Variants in DMRT1 observed in about 807,000 individuals in gnomAD.
DMRT1 encodes doublesex and mab-3 related transcription factor 1.
In DMRT1, 7 loss-of-function variants were observed where a neutral mutation model predicts 32.3. The observed-to-expected ratio is 0.22, with a 90% confidence interval of 0.12 to 0.41. The LOEUF is 0.41. Ranked by LOEUF, DMRT1 falls within the 10% of genes least tolerant of loss-of-function variation. The pLI, the probability that DMRT1 is intolerant of heterozygous loss-of-function variation, is 1.00. For missense variants in DMRT1, 625 were observed against 500.5 expected (o/e 1.25, Z -2.37); for synonymous variants, 278 against 206.1 (o/e 1.35, Z -2.99).
At chr9:917,114 T>A (rs1818209767) in intron 4 of DMRT1, among the ~76,000 whole-genome samples, 1 of 152,222 alleles carries the variant, frequency 6.6e-6, no homozygotes, top group African/African-American at 2.4e-5. Flanking sequence ...TTTTTTCCTT[T>A]CTGGATTCCT....
chr9:853,575 C>T (rs553601687), intron 2 of DMRT1, among the ~76,000 whole-genome samples: 93 of 150,798 alleles, frequency 6.2e-4, no homozygotes, highest in African/African-American at 2.0e-3. Flanking sequence ...CAGGTTCAAG[C>T]GATTTTCCTG....
chr9:955,180 G>C (rs1819560257), intron 4 of DMRT1, among the ~76,000 whole-genome samples: 1 of 152,146 alleles, frequency 6.6e-6, no homozygotes, highest in Non-Finnish European at 1.5e-5. Context: ...AGGAGGGAGA[G>C]GGTAGGGCAT....
intron 2 of DMRT1, among the ~76,000 whole-genome samples, chr9:873,865 A>G (rs78637836): frequency 0.14 from 21,637 of 152,138 alleles, 2,124 homozygotes; most frequent in African/African-American, 0.25. Flanking sequence ...TGAGAAAAAG[A>G]AAAGAAGAGA....
At chr9:869,375 C>A (rs189786160) in intron 2 of DMRT1, among the ~76,000 whole-genome samples, 1 of 152,322 alleles carries the variant, frequency 6.6e-6, no homozygotes, top group East Asian at 1.9e-4. Flanking sequence ...CTCATCTGCA[C>A]CTTTCCATTT....
intron 3 of DMRT1, among the ~76,000 whole-genome samples, chr9:901,364 T>C (rs1173511071): frequency 6.6e-6 from 1 of 152,006 alleles, no homozygotes; most frequent in Non-Finnish European, 1.5e-5. Flanking sequence ...CCTCACTCTG[T>C]TGCCCAGGCT....
chr9:857,333 T>C (rs1295294633), intron 2 of DMRT1, among the ~76,000 whole-genome samples: 1 of 152,056 alleles, frequency 6.6e-6, no homozygotes, highest in African/African-American at 2.4e-5. Flanking sequence ...TGTGTATATA[T>C]TGAATATAAT....
At position 951,104 on chromosome 9, in the gene DMRT1, C is replaced by G. The variant is rs147102078; in HGVS notation, c.968-16881C>G. ...TTGCTAATGGAAATAATTAAAAGTT[C>G]ATTTTATTAAAATTTCTGACAAATA... On this transcript the variant is annotated intron_variant, in intron 4 of 4. Coordinates refer to ENST00000382276, the MANE Select transcript of DMRT1 (RefSeq NM_021951.3). Among the ~76,000 whole-genome samples the G allele has an allele frequency of 3.4e-3, 522 of 152,208 alleles. 3 individuals are homozygous for G. The highest frequency in any genetic ancestry group is 0.012 in the African/African-American group (509 of 41,520).
chr9:900,577 C>T (rs1037245369), intron 3 of DMRT1, among the ~76,000 whole-genome samples: 1 of 151,678 alleles, frequency 6.6e-6, no homozygotes, highest in African/African-American at 2.4e-5. Flanking sequence ...AAACCTGGCT[C>T]TCAGGAGACA....
chr9:872,054 C>A (rs1208050515), intron 2 of DMRT1, among the ~76,000 whole-genome samples: 1 of 151,208 alleles, frequency 6.6e-6, no homozygotes, highest in Admixed American at 6.6e-5. Flanking sequence ...AATTTACATG[C>A]CATAAAACTC....
chr9:844,713 T>C (rs1353003331), intron 1 of DMRT1, among the ~76,000 whole-genome samples: 1 of 143,862 alleles, frequency 7.0e-6, no homozygotes, highest in Non-Finnish European at 1.5e-5. Context: ...TTTTCTTTCT[T>C]TCTTTCTTTT....
At chr9:962,349 T>C (rs1819800896) in intron 4 of DMRT1, among the ~76,000 whole-genome samples, 1 of 151,456 alleles carries the variant, frequency 6.6e-6, no homozygotes, top group South Asian at 2.1e-4. Flanking sequence ...GCAAGAAGGG[T>C]TTTTTGGAAG....
chr9:956,071 A>G (rs1441514397), intron 4 of DMRT1, among the ~76,000 whole-genome samples: 1 of 152,252 alleles, frequency 6.6e-6, no homozygotes, highest in East Asian at 1.9e-4. Context: ...TACGTATACA[A>G]TGGAATGTTA....
chr9:960,479 A>G (rs279904), intron 4 of DMRT1, among the ~76,000 whole-genome samples: 129,621 of 152,258 alleles, frequency 0.85, 55,316 homozygotes, highest in East Asian at 1. Flanking sequence ...AATGAGTAAC[A>G]AGTGTATAGA....
intron 4 of DMRT1, among the ~76,000 whole-genome samples, chr9:921,560 A>G (rs1279150236): frequency 6.6e-6 from 1 of 152,096 alleles, no homozygotes; most frequent in East Asian, 1.9e-4. Flanking sequence ...TTTTTGAGGA[A>G]CATGTTACTG....
intron 2 of DMRT1, among the ~76,000 whole-genome samples, chr9:880,563 C>G (rs781593933): frequency 6.6e-6 from 1 of 151,618 alleles, no homozygotes; most frequent in Non-Finnish European, 1.5e-5. Flanking sequence ...CCTGTCTCTA[C>G]TAAAAATACA....
intron 2 of DMRT1, among the ~76,000 whole-genome samples, chr9:855,213 A>G (rs1312880607): frequency 6.6e-6 from 1 of 152,232 alleles, no homozygotes; most frequent in Non-Finnish European, 1.5e-5. Flanking sequence ...AGCAATTATG[A>G]AAACAAAGTA....
At chr9:899,116 G>A (rs1817478467) in intron 3 of DMRT1, among the ~76,000 whole-genome samples, 1 of 151,592 alleles carries the variant, frequency 6.6e-6, no homozygotes. Flanking sequence ...TATCCTGTAG[G>A]ATAACTCCTT....
intron 4 of DMRT1, among the ~76,000 whole-genome samples, chr9:920,507 CTT>C (rs1818319330): frequency 6.6e-6 from 1 of 152,160 alleles, no homozygotes; most frequent in Non-Finnish European, 1.5e-5. Flanking sequence ...TGAGTGGTCA[CTT>C]TGGTGGGAGG....
At chr9:884,920 A>G (rs1816867502) in intron 2 of DMRT1, among the ~76,000 whole-genome samples, 1 of 152,200 alleles carries the variant, frequency 6.6e-6, no homozygotes, top group Non-Finnish European at 1.5e-5. Flanking sequence ...CAGTCAGCCA[A>G]GATCACACCA....
Sources: allele counts gnomAD v4.1 joint callset (sites outside exome capture counted in the v4.1 genomes callset), GRCh38; gene constraint gnomAD v4.1.1; transcripts MANE v1.5; gene names NCBI Gene and HGNC (gene_info 2026-07-23, HGNC 2026-07-21).